Variants in SNX8 observed in about 807,000 individuals in gnomAD.
SNX8 encodes the protein sorting nexin-8.
Under a neutral mutation model 51.6 loss-of-function variants are expected in SNX8, and 25 were observed. That is an observed-to-expected ratio of 0.48 (90% CI 0.35 to 0.68). The LOEUF is 0.68. SNX8 is among the 30% of genes least tolerant of loss of function. The pLI is 0.00. For missense variants in SNX8, 695 were observed against 624.0 expected, an observed-to-expected ratio of 1.11 and a Z score of -1.21; for synonymous variants, 324 against 277.0, an observed-to-expected ratio of 1.17 and a Z score of -1.68.
At chr7:2,333,411 G>A (rs1424226059) in intron 1 of SNX8, among the ~76,000 whole-genome samples, 1 of 151,594 alleles carries the variant, frequency 6.6e-6, no homozygotes, top group Non-Finnish European at 1.5e-5. Context: ...AATACAAATA[G>A]TAGCTGGCCA....
At chr7:2,352,476 A>G (rs924520496) in intron 1 of SNX8, among the ~76,000 whole-genome samples, 30 of 152,106 alleles carry the variant, frequency 2.0e-4, no homozygotes, top group Non-Finnish European at 3.7e-4. Context: ...ATATTGTTAT[A>G]ATTGTTCTAT....
At chr7:2,272,369 C>A (rs926587193) in intron 3 of SNX8, among the ~76,000 whole-genome samples, 3 of 151,350 alleles carry the variant, frequency 2.0e-5, no homozygotes, top group African/African-American at 7.3e-5. Context: ...CAACCCAGGT[C>A]TTCTTTTCTT....
chr7:2,284,239 C>G (rs1451565690), intron 1 of SNX8, among the ~76,000 whole-genome samples: 1 of 151,390 alleles, frequency 6.6e-6, no homozygotes, highest in East Asian at 2.0e-4. Flanking sequence ...CTGGAATCTG[C>G]ATTTCTAACA....
intron 1 of SNX8, among the ~76,000 whole-genome samples, chr7:2,310,657 C>T (rs1044828815): frequency 6.6e-6 from 1 of 152,092 alleles, no homozygotes; most frequent in Non-Finnish European, 1.5e-5. Flanking sequence ...GTCCCAGCTA[C>T]TCAGGAGGCT....
At chr7:2,333,454 C>T (rs1341556688) in intron 1 of SNX8, among the ~76,000 whole-genome samples, 3 of 149,944 alleles carry the variant, frequency 2.0e-5, no homozygotes, top group South Asian at 2.1e-4. Flanking sequence ...CCCAGCTACT[C>T]GGGAGGCTGA....
Position 2,269,051 on chromosome 7 carries a change from G to T in SNX8, c.621+508C>A, listed in dbSNP as rs1475794608. 2.3e-5 allele frequency among the ~76,000 whole-genome samples: 3 copies of T among 129,588 alleles called. No homozygotes were observed. In the East Asian group the frequency reaches 6.6e-4, roughly 29 times the overall value. 85.0% of individuals were successfully genotyped at this position (129,588 alleles called of 152,430 possible). A position where few individuals can be genotyped will look rare whatever the true frequency, so the allele number is the denominator to read the frequency against. ...GTGTGCCCAACAGCTCATTGAGAAC[G>T]GGCCAGGATGACAATGGCGGCTTTG... On this transcript the variant is annotated intron_variant, in intron 5 of 10. Transcript: ENST00000222990.
chr7:2,349,691 C>G (rs1779102868), intron 1 of SNX8, among the ~76,000 whole-genome samples: 1 of 152,136 alleles, frequency 6.6e-6, no homozygotes, highest in African/African-American at 2.4e-5. Context: ...CCCACCTCAG[C>G]TCCCAAAGTG....
chr7:2,292,805 G>A (rs1417601726), intron 1 of SNX8, among the ~76,000 whole-genome samples: 1 of 151,994 alleles, frequency 6.6e-6, no homozygotes, highest in Non-Finnish European at 1.5e-5. Flanking sequence ...GGGTTTCCTC[G>A]AGGCTAGATT....
At chr7:2,309,718 C>G in intron 1 of SNX8, 1 of 454,390 alleles carries the variant, frequency 2.2e-6, no homozygotes, top group South Asian at 1.6e-5. Context: ...ACAACAAGAG[C>G]GAGACTCCAT....
At chr7:2,333,250 T>C (rs960412722) in intron 1 of SNX8, among the ~76,000 whole-genome samples, 5 of 151,926 alleles carry the variant, frequency 3.3e-5, no homozygotes, top group African/African-American at 1.2e-4. Context: ...GCCAAGATAG[T>C]GAGGCCCCCT....
chr7:2,349,235 C>T (rs540782626), intron 1 of SNX8, among the ~76,000 whole-genome samples: 22 of 151,072 alleles, frequency 1.5e-4, no homozygotes, highest in Non-Finnish European at 2.8e-4. Flanking sequence ...AAAAAAAATG[C>T]GTAATATTAT....
At chr7:2,310,823 C>G (rs985037018) in intron 1 of SNX8, among the ~76,000 whole-genome samples, 1 of 152,044 alleles carries the variant, frequency 6.6e-6, no homozygotes, top group African/African-American at 2.4e-5. Context: ...AGAGAATATA[C>G]TACGCTAGGG....
At chr7:2,349,547 C>G (rs751359661) in intron 1 of SNX8, among the ~76,000 whole-genome samples, 2 of 151,238 alleles carry the variant, frequency 1.3e-5, no homozygotes, top group Admixed American at 6.6e-5. Flanking sequence ...CATGTTCAAG[C>G]GATTCTCCTG....
rs1293382024 is a variant in SNX8 at position 2,269,006 on chromosome 7, G to A, written c.621+553C>T. ...GGGAAGTGAGGAGCCCCTCTGCCCG[G>A]CCACCACCCCGTCTGGGAGGTGTGC... On this transcript the variant is annotated intron_variant, in intron 5 of 10. Coordinates refer to ENST00000222990, the MANE Select transcript of SNX8 (RefSeq NM_013321.4). Among the ~76,000 whole-genome samples, 6 of 137,598 alleles carry A rather than the reference G, an allele frequency of 4.4e-5. 1 individual carries two copies. The highest frequency in any genetic ancestry group is 8.0e-5 in the African/African-American group (3 of 37,584). 90.3% of individuals were successfully genotyped at this position (137,598 alleles called of 152,430 possible).
intron 1 of SNX8, among the ~76,000 whole-genome samples, chr7:2,349,611 A>G (rs1257831607): frequency 2.0e-5 from 3 of 151,180 alleles, no homozygotes; most frequent in Non-Finnish European, 4.4e-5. Flanking sequence ...CACACAACTA[A>G]TTTTTTGTAA....
intron 1 of SNX8, among the ~76,000 whole-genome samples, chr7:2,278,638 TCGAAGCCGGAC>T (rs1266571412): frequency 4.6e-5 from 6 of 131,268 alleles, no homozygotes; most frequent in South Asian, 2.6e-4. Flanking sequence ...CACTACGGAG[TCGAAGCCGGAC>T]TCACACTACG....
intron 1 of SNX8, among the ~76,000 whole-genome samples, chr7:2,329,396 C>G (rs557872471): frequency 1.3e-5 from 2 of 152,256 alleles, no homozygotes; most frequent in East Asian, 1.9e-4. Flanking sequence ...CAGTCAGCAC[C>G]CTATTGCCGG....
At chr7:2,297,273 G>A (rs1020352042) in intron 1 of SNX8, among the ~76,000 whole-genome samples, 6 of 151,608 alleles carry the variant, frequency 4.0e-5, no homozygotes. Flanking sequence ...AAAAGGGGAC[G>A]GGCATGGTGG....
intron 1 of SNX8, among the ~76,000 whole-genome samples, chr7:2,286,762 T>C (rs1796038665): frequency 6.6e-6 from 1 of 151,946 alleles, no homozygotes; most frequent in Non-Finnish European, 1.5e-5. Flanking sequence ...TCGTGATCCA[T>C]GCCTCAGCCT....
Sources: gnomAD v4.1 joint callset for allele counts (sites outside exome capture counted in the v4.1 genomes callset) on GRCh38, gnomAD v4.1.1 for gene constraint, MANE v1.5 for transcripts, NCBI Gene and HGNC (gene_info 2026-07-23, HGNC 2026-07-21) for gene names.